Variants in ETF1 observed in about 807,000 individuals in gnomAD.
The protein encoded by ETF1 is eukaryotic translation termination factor 1.
A neutral mutation model predicts 55.1 loss-of-function variants in ETF1; 4 were observed. The observed-to-expected ratio is 0.07, with a 90% CI of 0.04 to 0.17. The LOEUF (loss-of-function observed/expected upper bound fraction) is 0.17. Ranked by LOEUF, ETF1 falls within the 10% of genes least tolerant of loss-of-function variation. The probability of loss-of-function intolerance (pLI) is 1.00; values close to 1 mark genes in which losing one functional copy is unlikely to be tolerated. For missense variants in ETF1, 142 were observed against 523.6 expected, an observed-to-expected ratio of 0.27 and a Z score of 7.11; for synonymous variants, 157 against 182.3, an observed-to-expected ratio of 0.86 and a Z score of 1.12.
At chr5:138,510,770 C>T in intron 8 of ETF1, 141 bp from the exon 9 acceptor site, 3 of 1,234,260 alleles carry the variant, frequency 2.4e-6, no homozygotes, top group Non-Finnish European at 3.3e-6. Flanking sequence ...TTAGCATACA[C>T]TGAGTGTCTA....
chr5:138,542,527 CG>C (rs1766224203), intron 2 of ETF1: 3 of 947,544 alleles, frequency 3.2e-6, no homozygotes, highest in Non-Finnish European at 4.3e-6. Flanking sequence ...ACCTGGAGCC[CG>C]AAGAGGGAGG....
intron 3 of ETF1, among the ~76,000 whole-genome samples, chr5:138,518,383 G>A (rs1008701643): frequency 6.6e-6 from 1 of 151,882 alleles, no homozygotes; most frequent in Non-Finnish European, 1.5e-5. Flanking sequence ...GCTAACTTTT[G>A]TATTTTTTGT....
At chr5:138,535,110 C>A (rs758261037) in intron 2 of ETF1, among the ~76,000 whole-genome samples, 6 of 151,254 alleles carry the variant, frequency 4.0e-5, no homozygotes, top group Non-Finnish European at 7.4e-5. Flanking sequence ...GCCAACACAC[C>A]CAACTAATTT....
In ETF1 at chr5:138,518,888, C is replaced by T. The variant is rs1765124480; in HGVS notation, c.87-21G>A. On this transcript the variant is annotated intron_variant, in intron 2 of 10. Transcript: ENST00000360541. ...CATTGCTGTGGAAGAAAGAATAACTCATTAGGGATTTAAATATCATGTAAG... is the reference window on the plus strand; with the variant it reads ...CATTGCTGTGGAAGAAAGAATAACTTATTAGGGATTTAAATATCATGTAAG... The T allele has an allele frequency of 2.5e-6, 4 of 1,608,426 alleles. No homozygotes were observed. In the Admixed American group the frequency reaches 6.7e-5, roughly 27 times the overall value.
chr5:138,532,601 G>A (rs1765748849), intron 2 of ETF1, among the ~76,000 whole-genome samples: 1 of 152,196 alleles, frequency 6.6e-6, no homozygotes, highest in South Asian at 2.1e-4. Context: ...AATATCAGAT[G>A]GGGTTGAAGT....
At chr5:138,542,678 C>A (rs949474035) in intron 2 of ETF1, 155 bp downstream of exon 2, 17 of 1,449,270 alleles carry the variant, frequency 1.2e-5, no homozygotes, top group Admixed American at 1.0e-4. Flanking sequence ...CCGCGCCGAC[C>A]CTCGCCCCTG....
chr5:138,543,028 G>A, intron 1 of ETF1, 69 bp downstream of exon 1: 2 of 1,167,928 alleles, frequency 1.7e-6, no homozygotes, highest in Non-Finnish European at 2.5e-6. Context: ...CCATCCCCCA[G>A]AGGCCCTCTC....
At chr5:138,534,965 C>CTTTTT (rs70982719) in intron 2 of ETF1, among the ~76,000 whole-genome samples, 51 of 126,350 alleles carry the variant, frequency 4.0e-4, no homozygotes, top group African/African-American at 1.5e-3. Context: ...AAACTAGTTT[C>CTTTTT]TTTTTTTTTT....
rs115520698 is a variant in ETF1 at position 138,518,607 on chromosome 5, T to C, written c.262+85A>G. On this transcript the variant is annotated intron_variant, in intron 3 of 10. Transcript: ENST00000360541. ...GATGACAGCCGACTTAAGGGAACAT[T>C]AGTGAACAAAGCACCATAGCAGCAT... The C allele has an allele frequency of 1.4e-4, 156 of 1,132,322 alleles. No homozygotes were observed. In the Admixed American group the frequency reaches 2.7e-3, roughly 19 times the overall value. The allele number at this position is 1,132,322 out of a possible 1,614,324, so 70.1% of individuals were successfully genotyped here.
chr5:138,540,049 TAGTG>T (rs1435842144), intron 2 of ETF1, among the ~76,000 whole-genome samples: 1 of 152,214 alleles, frequency 6.6e-6, no homozygotes, highest in East Asian at 1.9e-4. Context: ...CAGATGTAGT[TAGTG>T]AGCCCATTTT....
At chr5:138,517,519 G>A (rs1215787419) in intron 4 of ETF1, 42 bp downstream of exon 4, 1 of 1,339,602 alleles carries the variant, frequency 7.5e-7, no homozygotes, top group African/African-American at 1.4e-5. Context: ...TACGGGGAAA[G>A]AATTCTGGAG....
In ETF1 at chr5:138,523,942, C is replaced by T. The variant is rs142781962; in HGVS notation, c.87-5075G>A. On this transcript the variant is annotated intron_variant, in intron 2 of 10. Transcript: ENST00000360541. ...CTGCAATCCCAGCACTCTGGGAGGC[C>T]GAGGCAGGCAGATCACTTGAGGCCA... 1.9e-4 allele frequency among the ~76,000 whole-genome samples: 29 copies of T among 151,552 alleles called. No homozygotes were observed. In the East Asian group the frequency reaches 5.5e-3, roughly 29 times the overall value.
chr5:138,525,943 T>TTAA (rs1304504261), intron 2 of ETF1, among the ~76,000 whole-genome samples: 80 of 133,822 alleles, frequency 6.0e-4, no homozygotes, highest in African/African-American at 2.1e-3. Flanking sequence ...AGACTCTGTT[T>TTAA]AAAAAAAAAA....
chr5:138,513,470 C>T, intron 5 of ETF1, 98 bp downstream of exon 5: 2 of 1,079,100 alleles, frequency 1.9e-6, no homozygotes, highest in Admixed American at 1.9e-5. Flanking sequence ...TCCCAAAGTG[C>T]TGGGATTACA....
rs1272733039 is a variant in ETF1 at position 138,508,795 on chromosome 5, T to G, written c.1105A>C (p.Ile369Leu). The change falls in exon 10 of 11, where the codon ATC (isoleucine) becomes CTC (leucine). Residue 369 changes from isoleucine (I) to leucine (L), a missense_variant. Physicochemically the swap from Ile to Leu is conservative, Grantham distance 5. Around this residue, in one of 5 missense-constraint regions of ETF1, gnomAD observed 82 missense variants for 232.9 expected, o/e 0.35. Coordinates refer to ENST00000360541, the MANE Select transcript of ETF1 (RefSeq NM_004730.4). ...CATTCCAACAGGGGCATGCTCTCGA[T>G]AAGCTCATGTTCCTGTCCGGTCTAC... ...DKETGQEHEL[I>L]ESMPLLEWFA... 6.2e-7 allele frequency: 1 copy of G among 1,614,112 alleles called. No individual in the cohort carries two copies. The highest frequency in any genetic ancestry group is 1.1e-5 in the South Asian group (1 of 91,084).
At chr5:138,534,533 C>T (rs774835530) in intron 2 of ETF1, among the ~76,000 whole-genome samples, 5 of 152,208 alleles carry the variant, frequency 3.3e-5, no homozygotes, top group Non-Finnish European at 5.9e-5. Flanking sequence ...TCCACTGATG[C>T]TCGTCAAGAA....
intron 4 of ETF1, among the ~76,000 whole-genome samples, chr5:138,514,568 C>CTTT (rs59685005): frequency 5.7e-5 from 8 of 139,860 alleles, no homozygotes; most frequent in African/African-American, 1.6e-4. Context: ...TAACTTGTTC[C>CTTT]TTTTTTTTTT....
intron 6 of ETF1, chr5:138,512,042 G>T: frequency 4.6e-6 from 1 of 215,932 alleles, no homozygotes. Context: ...CTACCAAAAA[G>T]TACAAAAATT....
At chr5:138,531,579 G>A (rs1012170110) in intron 2 of ETF1, among the ~76,000 whole-genome samples, 1 of 152,182 alleles carries the variant, frequency 6.6e-6, no homozygotes, top group East Asian at 1.9e-4. Flanking sequence ...GACCAGGAAC[G>A]TTTTAGACAC....
Sources: allele counts gnomAD v4.1 joint callset (sites outside exome capture counted in the v4.1 genomes callset), GRCh38; gene constraint gnomAD v4.1.1; regional missense constraint gnomAD v4.1.1; transcripts MANE v1.5; gene names NCBI Gene and HGNC (gene_info 2026-07-23, HGNC 2026-07-21).